OSBPL10: variants seen among roughly 807,000 people sequenced by gnomAD.
OSBPL10 encodes oxysterol-binding protein-related protein 10.
A neutral mutation model predicts 81.7 loss-of-function variants in OSBPL10; 49 were observed. The ratio of observed to expected loss-of-function variants is 0.60; its 90% CI spans 0.48 to 0.76. OSBPL10 has a LOEUF of 0.76. OSBPL10 is among the 30% of genes least tolerant of loss of function. The pLI, the probability that OSBPL10 is intolerant of heterozygous loss-of-function variation, is 0.00. For synonymous variants in OSBPL10, 419 were observed against 383.6 expected (o/e 1.09, Z -1.08); for missense variants, 923 against 987.8 (o/e 0.93, Z 0.88).
intron 6 of OSBPL10, among the ~76,000 whole-genome samples, chr3:31,724,657 T>A (rs971140960): frequency 2.6e-5 from 4 of 152,150 alleles, no homozygotes; most frequent in African/African-American, 9.7e-5. Flanking sequence ...GAGCATAAGC[T>A]GAAATTAATC....
intron 6 of OSBPL10, among the ~76,000 whole-genome samples, chr3:31,712,255 T>C (rs1050111176): frequency 1.3e-5 from 2 of 152,208 alleles, no homozygotes; most frequent in Admixed American, 1.3e-4. Flanking sequence ...AACTCTAGCT[T>C]TGTGCACCCA....
intron 4 of OSBPL10, among the ~76,000 whole-genome samples, chr3:31,751,166 AAACAAC>A (rs575796995): frequency 2.6e-5 from 4 of 151,940 alleles, no homozygotes; most frequent in African/African-American, 9.7e-5. Context: ...AAAAACAAAC[AAACAAC>A]AACAACAAAA....
chr3:31,691,467 C>T (rs1695547952), intron 7 of OSBPL10, among the ~76,000 whole-genome samples: 4 of 152,140 alleles, frequency 2.6e-5, no homozygotes, highest in Admixed American at 2.6e-4. Context: ...GACCCATGAT[C>T]CCAGCATTTT....
intron 2 of OSBPL10, among the ~76,000 whole-genome samples, chr3:32,041,161 G>GA (rs1400663743): frequency 6.6e-6 from 1 of 152,100 alleles, no homozygotes; most frequent in Non-Finnish European, 1.5e-5. Context: ...AGTGTCAAGA[G>GA]AAAAAATGAG....
At chr3:31,716,441 C>T (rs1696436981) in intron 6 of OSBPL10, among the ~76,000 whole-genome samples, 1 of 152,192 alleles carries the variant, frequency 6.6e-6, no homozygotes, top group African/African-American at 2.4e-5. Flanking sequence ...CTTGCTCCTC[C>T]TCCCTGCTCC....
chr3:31,687,457 G>C (rs540134023), intron 7 of OSBPL10, among the ~76,000 whole-genome samples: 1 of 149,004 alleles, frequency 6.7e-6, no homozygotes, highest in African/African-American at 2.6e-5. Flanking sequence ...GAATTCAAAA[G>C]CTGAAGGATT....
chr3:31,683,951 C>A lies in OSBPL10; in HGVS notation c.1409G>T (p.Arg470Leu). The change falls in exon 8 of 12, where the codon CGC becomes CTC. Residue 470 changes from arginine (R) to leucine (L), a missense_variant. Arg to Leu is a moderately radical substitution (Grantham distance 102). Coordinates refer to ENST00000396556, the MANE Select transcript of OSBPL10 (RefSeq NM_017784.5). ...EYYLTAFHEGRKGALAKKPYN... is the reference protein window; with the variant it reads ...EYYLTAFHEGLKGALAKKPYN... ...GGGCTTCTTGGCTAAAGCGCCCTTG[C>A]GGCCCTCGTGAAAGGCTGTGAGATA... The A allele has an allele frequency of 1.2e-6, 2 of 1,614,244 alleles. No homozygotes were observed. Among genetic ancestry groups the A allele is most frequent in the Middle Eastern group, 3.3e-4 (2 of 6,062 alleles).
chr3:31,702,331 C>T, intron 7 of OSBPL10, 28 bp downstream of exon 7: 1 of 1,610,394 alleles, frequency 6.2e-7, no homozygotes. Context: ...AACAACTGAC[C>T]ACAAATCCAG....
At chr3:31,816,102 T>TAA (rs981698780) in intron 4 of OSBPL10, among the ~76,000 whole-genome samples, 1 of 76,268 alleles carries the variant, frequency 1.3e-5, no homozygotes, top group African/African-American at 3.9e-5. Flanking sequence ...GTTTGAAAGG[T>TAA]ATAAAGTCAG....
chr3:32,044,741 C>CA (rs34855965), intron 2 of OSBPL10, among the ~76,000 whole-genome samples: 11,631 of 66,604 alleles, frequency 0.17, 943 homozygotes, highest in African/African-American at 0.23. Flanking sequence ...AACTCCATCT[C>CA]AAAAAAAAAA....
chr3:31,668,966 G>C, intron 9 of OSBPL10, 142 bp from the exon 10 acceptor site: 3 of 637,690 alleles, frequency 4.7e-6, no homozygotes, highest in Non-Finnish European at 7.7e-6. Flanking sequence ...TCAAAGACTA[G>C]CTCTTAAAAG....
intron 2 of OSBPL10, among the ~76,000 whole-genome samples, chr3:32,044,531 C>G (rs1044605357): frequency 6.6e-6 from 1 of 151,190 alleles, no homozygotes; most frequent in Non-Finnish European, 1.5e-5. Context: ...CACTTGAGCT[C>G]GGGAGTTAGC....
At chr3:31,965,732 TTATC>T (rs1698355438) in intron 1 of OSBPL10, among the ~76,000 whole-genome samples, 2 of 72,404 alleles carry the variant, frequency 2.8e-5, no homozygotes, top group Non-Finnish European at 4.6e-5. Context: ...ATAATATATA[TTATC>T]TATTTATATA....
intron 1 of OSBPL10, among the ~76,000 whole-genome samples, chr3:31,942,585 T>C (rs1031146731): frequency 6.6e-6 from 1 of 151,828 alleles, no homozygotes; most frequent in African/African-American, 2.4e-5. Context: ...ACATTTTTTT[T>C]AAATCCTCCC....
At chr3:31,837,321 TTATATATA>T (rs59797512) in intron 3 of OSBPL10, among the ~76,000 whole-genome samples, 1,120 of 57,354 alleles carry the variant, frequency 0.02, 17 homozygotes, top group Admixed American at 0.032. Context: ...GATCCCCAAA[TTATATATA>T]TATATATATA....
At position 31,989,086 on chromosome 3, in the gene OSBPL10, C is replaced by T. The variant is rs767174163; in HGVS notation, n.298+57405G>A. Reference sequence around the variant, plus strand: ...TATTGATTTCTAAAGACTCATGTTACGTGAGGAAGCAGCTCAGAAGAGGAA... The same window carrying T: ...TATTGATTTCTAAAGACTCATGTTATGTGAGGAAGCAGCTCAGAAGAGGAA... On this transcript the variant is annotated intron_variant and non_coding_transcript_variant, in intron 2 of 3. Transcript: ENST00000479173. The T allele has an allele frequency of 8.1e-6, 13 of 1,613,950 alleles. No homozygotes were observed. The highest frequency in any genetic ancestry group is 6.7e-5 in the East Asian group (3 of 44,900).
chr3:31,812,728 A>G (rs896332299), intron 4 of OSBPL10, among the ~76,000 whole-genome samples: 2 of 17,678 alleles, frequency 1.1e-4, no homozygotes, highest in East Asian at 2.6e-3. Context: ...AAAAGAAAGA[A>G]AGAAAGAAAG....
chr3:31,977,093 C>G (rs984157459), intron 1 of OSBPL10, among the ~76,000 whole-genome samples: 1 of 152,128 alleles, frequency 6.6e-6, no homozygotes, highest in African/African-American at 2.4e-5. Context: ...TGAACACAGT[C>G]CAAACAGAAC....
intron 5 of OSBPL10, among the ~76,000 whole-genome samples, chr3:31,745,298 A>G (rs1246861041): frequency 6.6e-6 from 1 of 152,204 alleles, no homozygotes; most frequent in African/African-American, 2.4e-5. Context: ...TTCAAAAGAA[A>G]TACACACTGA....
Sources: allele counts gnomAD v4.1 joint callset (sites outside exome capture counted in the v4.1 genomes callset), GRCh38; gene constraint gnomAD v4.1.1; transcripts MANE v1.5; gene names NCBI Gene and HGNC (gene_info 2026-07-23, HGNC 2026-07-21).